KCNMA1: variants seen among roughly 807,000 people sequenced by gnomAD.
KCNMA1 encodes Calcium-activated potassium channel subunit alpha-1.
A neutral mutation model predicts 140.0 loss-of-function variants in KCNMA1; 29 were observed. That is an observed-to-expected ratio of 0.21 (90% confidence interval 0.15 to 0.28). The LOEUF (loss-of-function observed/expected upper bound fraction) is 0.28, where lower values mean the gene tolerates loss of function less well. Ranked by LOEUF, KCNMA1 falls within the 10% of genes least tolerant of loss-of-function variation. KCNMA1 has a pLI of 1.00. For missense variants in KCNMA1, 880 were observed against 1,602.2 expected (o/e 0.55, Z 7.70); for synonymous variants, 612 against 611.9 (o/e 1.00, Z 0.00).
chr10:77,047,588 C>CT (rs11304136), intron 14 of KCNMA1, among the ~76,000 whole-genome samples: 28,316 of 137,344 alleles, frequency 0.21, 3,015 homozygotes, highest in Non-Finnish European at 0.24. Context: ...GGAAACTGGT[C>CT]TTTTTTTTTT....
At chr10:77,619,407 C>T (rs1487321557) in intron 1 of KCNMA1, among the ~76,000 whole-genome samples, 1 of 152,006 alleles carries the variant, frequency 6.6e-6, no homozygotes, top group African/African-American at 2.4e-5. Flanking sequence ...GCCAACTTCC[C>T]TAAGAAGTAG....
At chr10:76,926,677 C>T (rs996403285) in intron 23 of KCNMA1, among the ~76,000 whole-genome samples, 2 of 152,086 alleles carry the variant, frequency 1.3e-5, no homozygotes, top group African/African-American at 2.4e-5. Context: ...ATTGAAACCA[C>T]GATAATTCTG....
rs1464338152 is a variant in KCNMA1 at position 76,885,223 on chromosome 10, A to G, written c.*2043T>C. On this transcript the variant is annotated 3_prime_UTR_variant, in exon 28 of 28. Coordinates refer to ENST00000286628, the MANE Select transcript of KCNMA1 (RefSeq NM_001161352.2). ...TATATAGTTATATATATAGTTATAT[A>G]TATATAATTATATAGTTATATATAT... 1.9e-6 allele frequency: 1 copy of G among 517,110 alleles called. No homozygotes were observed. Among genetic ancestry groups the G allele is most frequent in the Non-Finnish European group, 2.5e-6 (1 of 401,522 alleles). 32.0% of individuals were successfully genotyped at this position (517,110 alleles called of 1,614,324 possible). A position where few individuals can be genotyped will look rare whatever the true frequency, so the allele number is the denominator to read the frequency against.
At chr10:77,083,285 G>A (rs892872104) in intron 12 of KCNMA1, among the ~76,000 whole-genome samples, 2 of 152,054 alleles carry the variant, frequency 1.3e-5, no homozygotes, top group African/African-American at 4.8e-5. Context: ...TAACTACCTG[G>A]AGCAAAATAC....
At chr10:77,193,994 T>C (rs2039555479) in intron 3 of KCNMA1, among the ~76,000 whole-genome samples, 1 of 152,128 alleles carries the variant, frequency 6.6e-6, no homozygotes, top group Admixed American at 6.6e-5. Context: ...TTGCCACCTA[T>C]GTGCTAGGAG....
At chr10:77,010,616 G>A (rs1247357098) in intron 18 of KCNMA1, among the ~76,000 whole-genome samples, 1 of 152,030 alleles carries the variant, frequency 6.6e-6, no homozygotes, top group African/African-American at 2.4e-5. Flanking sequence ...GGGGATTTCT[G>A]CAGAAACTTC....
At chr10:77,291,786 T>A (rs1441689717) in intron 2 of KCNMA1, among the ~76,000 whole-genome samples, 1 of 152,178 alleles carries the variant, frequency 6.6e-6, no homozygotes, top group Non-Finnish European at 1.5e-5. Context: ...GTGCTTTACT[T>A]GGGCTGTTTA....
chr10:76,959,044 C>G (rs191283211), intron 20 of KCNMA1, among the ~76,000 whole-genome samples: 9 of 152,136 alleles, frequency 5.9e-5, no homozygotes, highest in Admixed American at 2.0e-4. Flanking sequence ...ATGTAATACC[C>G]AGTATCTCCT....
chr10:76,958,497 C>G (rs1392806618), intron 20 of KCNMA1, among the ~76,000 whole-genome samples: 1 of 152,094 alleles, frequency 6.6e-6, no homozygotes, highest in Non-Finnish European at 1.5e-5. Context: ...GTGTTCTCCC[C>G]CAAATTTTTA....
At chr10:77,016,103 C>T (rs563082479) in intron 17 of KCNMA1, among the ~76,000 whole-genome samples, 1 of 152,222 alleles carries the variant, frequency 6.6e-6, no homozygotes, top group Admixed American at 6.5e-5. Context: ...TACCACTCTC[C>T]CCAAATCTAT....
intron 2 of KCNMA1, among the ~76,000 whole-genome samples, chr10:77,300,091 G>A (rs2076195116): frequency 6.6e-6 from 1 of 152,196 alleles, no homozygotes; most frequent in Non-Finnish European, 1.5e-5. Flanking sequence ...GGGACTTCAA[G>A]CCAGATTTCA....
intron 1 of KCNMA1, among the ~76,000 whole-genome samples, chr10:77,540,212 C>T (rs959002636): frequency 2.0e-5 from 3 of 152,178 alleles, no homozygotes; most frequent in African/African-American, 4.8e-5. Flanking sequence ...GATCCAGGGT[C>T]ACAGCCAAAG....
chr10:77,549,447 C>T (rs1177080845), intron 1 of KCNMA1, among the ~76,000 whole-genome samples: 1 of 152,182 alleles, frequency 6.6e-6, no homozygotes, highest in Non-Finnish European at 1.5e-5. Context: ...AGAAGAGAGG[C>T]CTTAAACTCC....
intron 1 of KCNMA1, among the ~76,000 whole-genome samples, chr10:77,592,158 CA>C (rs142897310): frequency 0.044 from 6,651 of 150,802 alleles, 194 homozygotes; most frequent in Middle Eastern, 0.11. Context: ...ATAAATAAAA[CA>C]AAAAAAAACC....
intron 1 of KCNMA1, among the ~76,000 whole-genome samples, chr10:77,559,871 C>A (rs983270639): frequency 3.9e-4 from 59 of 152,024 alleles, no homozygotes; most frequent in African/African-American, 1.4e-3. Flanking sequence ...ATATTCAGCC[C>A]GATATGTTTA....
At chr10:77,233,630 TG>T (rs1311188380) in intron 3 of KCNMA1, among the ~76,000 whole-genome samples, 2 of 152,200 alleles carry the variant, frequency 1.3e-5, no homozygotes, top group East Asian at 3.9e-4. Flanking sequence ...GGAGGTTTGC[TG>T]GGCTCCTTAA....
chr10:77,346,787 T>C (rs1379402490), intron 2 of KCNMA1, among the ~76,000 whole-genome samples: 1 of 152,226 alleles, frequency 6.6e-6, no homozygotes, highest in Non-Finnish European at 1.5e-5. Context: ...TGGAATTTGA[T>C]GCATCTGTCC....
chr10:77,262,241 A>C (rs1437898251), intron 2 of KCNMA1, among the ~76,000 whole-genome samples: 4 of 152,198 alleles, frequency 2.6e-5, no homozygotes, highest in African/African-American at 9.6e-5. Flanking sequence ...ATAAAGAAGG[A>C]AATTCTGGTC....
Position 77,499,403 on chromosome 10 carries a change from G to GTATA in KCNMA1, c.379-95384_379-95381dup, listed in dbSNP as rs71028280. Among the ~76,000 whole-genome samples the GTATA allele has an allele frequency of 9.6e-3, 1,361 of 142,490 alleles. 15 individuals are homozygous for GTATA. The highest frequency in any genetic ancestry group is 0.048 in the East Asian group (238 of 4,956). The allele number at this position is 142,490 out of a possible 152,430, so 93.5% of individuals were successfully genotyped here. A position where few individuals can be genotyped will look rare whatever the true frequency, so the allele number is the denominator to read the frequency against. On this transcript the variant is annotated intron_variant, in intron 1 of 27. Transcript: ENST00000286628. ...GAAAGTCAAAATGCTCAGTAGGCAT[G>GTATA]TATATATATATATATATATACACAC... is the stretch of plus-strand genomic sequence containing the variant.
Sources: allele counts gnomAD v4.1 joint callset (sites outside exome capture counted in the v4.1 genomes callset), GRCh38; gene constraint gnomAD v4.1.1; transcripts MANE v1.5; gene names NCBI Gene and HGNC (gene_info 2026-07-23, HGNC 2026-07-21).